Variants in CNTN4 observed in about 807,000 individuals in gnomAD.
The protein encoded by CNTN4 is contactin 4, also known as contactin-4.
A neutral mutation model predicts 122.5 loss-of-function variants in CNTN4; 77 were observed. The ratio of observed to expected loss-of-function variants is 0.63; its 90% confidence interval spans 0.52 to 0.76. The LOEUF (loss-of-function observed/expected upper bound fraction) is 0.76, where lower values mean the gene tolerates loss of function less well. Among genes scored for constraint, CNTN4 ranks in the 30% least tolerant of loss-of-function variants. The pLI, the probability that CNTN4 is intolerant of heterozygous loss-of-function variation, is 0.00. For synonymous variants in CNTN4, 512 were observed against 447.0 expected, an observed-to-expected ratio of 1.15 and a Z score of -1.83; for missense variants, 1,256 against 1,259.1, an observed-to-expected ratio of 1.00 and a Z score of 0.04.
intron 3 of CNTN4, among the ~76,000 whole-genome samples, chr3:2,380,688 G>A (rs1040172562): frequency 6.0e-5 from 9 of 150,864 alleles, no homozygotes; most frequent in Non-Finnish European, 1.0e-4. Flanking sequence ...GATCATGCAT[G>A]CTTAGTGGGT....
At chr3:2,767,488 A>G (rs746877385) in intron 6 of CNTN4, among the ~76,000 whole-genome samples, 3 of 152,356 alleles carry the variant, frequency 2.0e-5, no homozygotes, top group African/African-American at 4.8e-5. Flanking sequence ...GGAAGTTTAT[A>G]TAAGTGCTCT....
At chr3:2,512,068 T>C (rs2076902839) in intron 3 of CNTN4, among the ~76,000 whole-genome samples, 1 of 152,210 alleles carries the variant, frequency 6.6e-6, no homozygotes, top group South Asian at 2.1e-4. Flanking sequence ...AATCTTTATA[T>C]GCATGCCTGT....
chr3:2,211,750 C>T lies in CNTN4; in HGVS notation c.-145+111111C>T, dbSNP rs538000330. Among the ~76,000 whole-genome samples, 26 of 152,192 alleles carry T rather than the reference C, an allele frequency of 1.7e-4. 1 individual carries two copies. The South Asian group carries it at 2.1e-3, about 12-fold the overall frequency. ...CATTCTTCCACATGGCCAGCCGTGA[C>T]GTGACTCATGAGTCACCAACCCATT... On this transcript the variant is annotated intron_variant, in intron 2 of 24. Coordinates refer to ENST00000418658, the MANE Select transcript of CNTN4 (RefSeq NM_175607.3).
At chr3:2,917,868 C>T (rs915686333) in intron 12 of CNTN4, among the ~76,000 whole-genome samples, 1 of 151,718 alleles carries the variant, frequency 6.6e-6, no homozygotes, top group Non-Finnish European at 1.5e-5. Flanking sequence ...TCCAAGAGTG[C>T]AACATGACCC....
intron 2 of CNTN4, among the ~76,000 whole-genome samples, chr3:2,287,778 G>A (rs1044919881): frequency 6.7e-6 from 1 of 148,444 alleles, no homozygotes; most frequent in East Asian, 2.0e-4. Flanking sequence ...AGAAGAAGAA[G>A]GAGAAGAAGA....
chr3:2,876,268 A>T (rs1037535440), intron 8 of CNTN4, among the ~76,000 whole-genome samples: 5 of 152,192 alleles, frequency 3.3e-5, no homozygotes, highest in Non-Finnish European at 5.9e-5. Flanking sequence ...TAACTTGGAC[A>T]GTCCACTAGA....
intron 5 of CNTN4, among the ~76,000 whole-genome samples, chr3:2,739,182 C>G (rs1348267632): frequency 1.3e-5 from 2 of 151,932 alleles, no homozygotes; most frequent in African/African-American, 4.8e-5. Flanking sequence ...ATTAAAACTA[C>G]AACGACATAC....
intron 8 of CNTN4, among the ~76,000 whole-genome samples, chr3:2,877,002 C>T (rs781508671): frequency 6.6e-6 from 1 of 152,230 alleles, no homozygotes; most frequent in Non-Finnish European, 1.5e-5. Context: ...GGCTGCATCT[C>T]AACTTACTAA....
intron 4 of CNTN4, among the ~76,000 whole-genome samples, chr3:2,726,020 G>A (rs570199806): frequency 1.2e-4 from 18 of 152,232 alleles, no homozygotes; most frequent in African/African-American, 4.3e-4. Context: ...AGAATCTTAG[G>A]GATAAAGCTT....
At chr3:2,604,286 C>T (rs899800386) in intron 4 of CNTN4, among the ~76,000 whole-genome samples, 3 of 152,126 alleles carry the variant, frequency 2.0e-5, no homozygotes, top group Non-Finnish European at 4.4e-5. Context: ...CTTGATGCCT[C>T]TTCCTGTGAC....
chr3:2,344,639 C>G (rs2044334702), intron 3 of CNTN4, among the ~76,000 whole-genome samples: 1 of 152,072 alleles, frequency 6.6e-6, no homozygotes, highest in Non-Finnish European at 1.5e-5. Context: ...ATGATGGGGT[C>G]AGACAGGAAT....
chr3:2,718,927 A>T (rs2087665175), intron 4 of CNTN4, among the ~76,000 whole-genome samples: 1 of 152,202 alleles, frequency 6.6e-6, no homozygotes, highest in South Asian at 2.1e-4. Context: ...GATTATCTTC[A>T]GGGAGGTGTC....
At chr3:2,966,166 C>A (rs1387466363) in intron 13 of CNTN4, among the ~76,000 whole-genome samples, 2 of 152,116 alleles carry the variant, frequency 1.3e-5, no homozygotes, top group East Asian at 3.8e-4. Flanking sequence ...GGGGATTAAA[C>A]CAGCTAGTAT....
At chr3:2,308,347 A>G (rs2042792783) in intron 2 of CNTN4, among the ~76,000 whole-genome samples, 1 of 151,596 alleles carries the variant, frequency 6.6e-6, no homozygotes, top group Non-Finnish European at 1.5e-5. Context: ...ATTTTCTAAG[A>G]CCCAATTTTT....
chr3:2,605,372 G>A (rs181595790), intron 4 of CNTN4, among the ~76,000 whole-genome samples: 2 of 152,304 alleles, frequency 1.3e-5, no homozygotes, highest in Admixed American at 6.5e-5. Flanking sequence ...AAGGGGATCA[G>A]AGAGAAGGCA....
intron 13 of CNTN4, among the ~76,000 whole-genome samples, chr3:2,939,712 G>A (rs2094596560): frequency 6.6e-6 from 1 of 152,110 alleles, no homozygotes; most frequent in Non-Finnish European, 1.5e-5. Context: ...AAGAAAGAAT[G>A]GTTTCTTAAT....
chr3:2,194,986 C>G (rs941485093), intron 2 of CNTN4, among the ~76,000 whole-genome samples: 5 of 152,130 alleles, frequency 3.3e-5, no homozygotes, highest in Non-Finnish European at 7.4e-5. Context: ...AGATTGTAGT[C>G]ACCTTGCTGT....
intron 2 of CNTN4, among the ~76,000 whole-genome samples, chr3:2,300,363 A>T (rs1363317504): frequency 6.6e-6 from 1 of 152,142 alleles, no homozygotes; most frequent in African/African-American, 2.4e-5. Context: ...TTCTCAAAAT[A>T]GAGGGGAGAA....
intron 2 of CNTN4, among the ~76,000 whole-genome samples, chr3:2,155,829 A>G (rs1000424629): frequency 2.6e-5 from 4 of 152,168 alleles, no homozygotes; most frequent in Non-Finnish European, 1.5e-5. Context: ...ATTCTTGTTC[A>G]TCCTTAAGAT....
Sources: allele counts gnomAD v4.1 joint callset (sites outside exome capture counted in the v4.1 genomes callset), GRCh38; gene constraint gnomAD v4.1.1; transcripts MANE v1.5; gene names NCBI Gene and HGNC (gene_info 2026-07-23, HGNC 2026-07-21).